The following SERPINI1 variants were observed in gnomAD, a reference collection of about 807,000 sequenced individuals.
SERPINI1 encodes the protein neuroserpin.
A neutral mutation model predicts 41.1 loss-of-function variants in SERPINI1; 19 were observed. The observed-to-expected ratio is 0.46, with a 90% CI of 0.32 to 0.68. SERPINI1 has a LOEUF of 0.68. Among genes scored for constraint, SERPINI1 ranks in the 30% least tolerant of loss-of-function variants. The pLI, the probability that SERPINI1 is intolerant of heterozygous loss-of-function variation, is 0.03. For missense variants in SERPINI1, 460 were observed against 479.2 expected (o/e 0.96, Z 0.37); for synonymous variants, 138 against 156.6 (o/e 0.88, Z 0.89).
intron 2 of SERPINI1, 97 bp from the exon 3 acceptor site, chr3:167,790,275 G>T: frequency 1.1e-6 from 1 of 892,248 alleles, no homozygotes; most frequent in Non-Finnish European, 1.9e-6. Flanking sequence ...GTGCCTGTTT[G>T]GTTAATCTCC....
At chr3:167,749,950 C>T (rs1577398828) in intron 1 of SERPINI1, among the ~76,000 whole-genome samples, 1 of 152,142 alleles carries the variant, frequency 6.6e-6, no homozygotes, top group East Asian at 1.9e-4. Context: ...TCAGTAGATA[C>T]TGGCTGGGTG....
intron 1 of SERPINI1, among the ~76,000 whole-genome samples, chr3:167,786,637 G>A (rs1354402976): frequency 1.3e-5 from 2 of 151,994 alleles, no homozygotes; most frequent in Admixed American, 6.6e-5. Context: ...GTCAGTGAGT[G>A]TGATGCCTAG....
intron 6 of SERPINI1, among the ~76,000 whole-genome samples, chr3:167,808,134 T>TAATA (rs60263204): frequency 0.17 from 24,251 of 146,808 alleles, 2,301 homozygotes; most frequent in Non-Finnish European, 0.22. Flanking sequence ...ATAGTAATGA[T>TAATA]AATAAATAAA....
rs374775706 is a variant in SERPINI1 at position 167,742,227 on chromosome 3, T to C, written c.-19+6404T>C. ...GAAAGAAATCTTATCCAGGATTATCTTAAAAGCAAATTTTTCCTCACATTG... is the reference window on the plus strand; with the variant it reads ...GAAAGAAATCTTATCCAGGATTATCCTAAAAGCAAATTTTTCCTCACATTG... On this transcript the variant is annotated intron_variant, in intron 1 of 8. Coordinates refer to ENST00000446050, the MANE Select transcript of SERPINI1 (RefSeq NM_001122752.2). 1.4e-4 allele frequency among the ~76,000 whole-genome samples: 22 copies of C among 152,322 alleles called. No homozygotes were observed. In the East Asian group the frequency reaches 3.9e-3, roughly 27 times the overall value.
chr3:167,818,401 T>C (rs1489763647), intron 6 of SERPINI1, among the ~76,000 whole-genome samples: 2 of 152,234 alleles, frequency 1.3e-5, no homozygotes, highest in Admixed American at 1.3e-4. Flanking sequence ...TCAAATCATG[T>C]ATAATAGATA....
chr3:167,750,876 A>C (rs1726022156), intron 1 of SERPINI1, among the ~76,000 whole-genome samples: 1 of 152,148 alleles, frequency 6.6e-6, no homozygotes, highest in Non-Finnish European at 1.5e-5. Flanking sequence ...ACTTCACAGT[A>C]TTTGTATATT....
chr3:167,796,396 G>T (rs1194386583), intron 5 of SERPINI1, among the ~76,000 whole-genome samples: 1 of 149,488 alleles, frequency 6.7e-6, no homozygotes, highest in Non-Finnish European at 1.5e-5. Context: ...TGCAGAATGT[G>T]CAGGTTTGTT....
At chr3:167,777,046 A>G (rs1239740878) in intron 1 of SERPINI1, among the ~76,000 whole-genome samples, 1 of 151,976 alleles carries the variant, frequency 6.6e-6, no homozygotes, top group African/African-American at 2.4e-5. Context: ...TACCCCCATC[A>G]TCCTCCATAT....
intron 1 of SERPINI1, among the ~76,000 whole-genome samples, chr3:167,774,754 A>G (rs954937049): frequency 1.3e-5 from 2 of 150,210 alleles, no homozygotes; most frequent in Non-Finnish European, 3.0e-5. Flanking sequence ...GAGGTGGAGC[A>G]GTTTCATCCC....
chr3:167,816,292 T>G (rs1712087066), intron 6 of SERPINI1, among the ~76,000 whole-genome samples: 1 of 152,140 alleles, frequency 6.6e-6, no homozygotes, highest in Non-Finnish European at 1.5e-5. Flanking sequence ...GCGATCAGCC[T>G]GCCTCAGCCT....
chr3:167,760,561 TTGTGTGTGTGTGTGTG>T (rs57003321), intron 1 of SERPINI1, among the ~76,000 whole-genome samples: 32,625 of 140,628 alleles, frequency 0.23, 3,731 homozygotes, highest in Non-Finnish European at 0.25. Context: ...TGGCTCCAAA[TTGTGTGTGTGTGTGTG>T]TGTGTGTGTG....
intron 1 of SERPINI1, among the ~76,000 whole-genome samples, chr3:167,746,361 A>T (rs1201591414): frequency 2.6e-5 from 4 of 152,190 alleles, no homozygotes; most frequent in Non-Finnish European, 4.4e-5. Context: ...CATGCATTAT[A>T]CAGTAGTTTC....
chr3:167,742,814 C>T (rs1725721818), intron 1 of SERPINI1, among the ~76,000 whole-genome samples: 1 of 139,234 alleles, frequency 7.2e-6, no homozygotes, highest in African/African-American at 2.9e-5. Flanking sequence ...AATTTTGTGC[C>T]GTTTTGTGTG....
chr3:167,805,029 AAAT>A (rs1262254253), intron 5 of SERPINI1, among the ~76,000 whole-genome samples: 2 of 152,282 alleles, frequency 1.3e-5, no homozygotes, highest in South Asian at 2.1e-4. Flanking sequence ...TTTTGTTTTA[AAAT>A]AATGTTTTAT....
Position 167,805,905 on chromosome 3 carries a change from T to G in SERPINI1, c.882-1339T>G, listed in dbSNP as rs147052529. Among the ~76,000 whole-genome samples, 143 of 152,230 alleles carry G rather than the reference T, an allele frequency of 9.4e-4. No individual in the cohort carries two copies. In the East Asian group the frequency reaches 0.021, roughly 22 times the overall value. ...GTTCTGTTCCATTGGTCTATATATCTGTTTTGGAGTACCATGCTGTTTTCT... is the reference window on the plus strand; with the variant it reads ...GTTCTGTTCCATTGGTCTATATATCGGTTTTGGAGTACCATGCTGTTTTCT... On this transcript the variant is annotated intron_variant, in intron 5 of 8. Coordinates refer to ENST00000446050, the MANE Select transcript of SERPINI1 (RefSeq NM_001122752.2).
intron 6 of SERPINI1, among the ~76,000 whole-genome samples, chr3:167,817,659 C>T (rs886924889): frequency 6.5e-4 from 99 of 151,790 alleles, no homozygotes; most frequent in African/African-American, 2.3e-3. Context: ...GTGCAGTGGC[C>T]GGATCTCGGC....
At chr3:167,739,761 A>C (rs1360028037) in intron 1 of SERPINI1, among the ~76,000 whole-genome samples, 1 of 152,136 alleles carries the variant, frequency 6.6e-6, no homozygotes, top group Non-Finnish European at 1.5e-5. Context: ...GATTTTGTTT[A>C]AGCATGTGTG....
chr3:167,754,759 G>C (rs1726146027), intron 1 of SERPINI1, among the ~76,000 whole-genome samples: 1 of 152,152 alleles, frequency 6.6e-6, no homozygotes, highest in Non-Finnish European at 1.5e-5. Context: ...ATTCATCCAG[G>C]TAAATCCTTT....
chr3:167,770,338 A>G (rs1160904829), intron 1 of SERPINI1, among the ~76,000 whole-genome samples: 1 of 152,058 alleles, frequency 6.6e-6, no homozygotes, highest in Admixed American at 6.5e-5. Flanking sequence ...GATTTAACAC[A>G]AAAATATATT....
Sources: allele counts gnomAD v4.1 joint callset (sites outside exome capture counted in the v4.1 genomes callset), GRCh38; gene constraint gnomAD v4.1.1; transcripts MANE v1.5; gene names NCBI Gene and HGNC (gene_info 2026-07-23, HGNC 2026-07-21).